Variants in MAP4K3 observed in about 807,000 individuals in gnomAD.
MAP4K3 encodes the protein mitogen-activated protein kinase kinase kinase kinase 3.
Under a neutral mutation model 143.5 loss-of-function variants are expected in MAP4K3, and 94 were observed. That is an observed-to-expected ratio of 0.65 (90% CI 0.55 to 0.78). MAP4K3 has a LOEUF of 0.78. MAP4K3 is among the 30% of genes least tolerant of loss of function. The pLI is 0.00. For synonymous variants in MAP4K3, 416 were observed against 347.2 expected, an observed-to-expected ratio of 1.20 and a Z score of -2.20; for missense variants, 1,077 against 1,068.1, an observed-to-expected ratio of 1.01 and a Z score of -0.12.
intron 1 of MAP4K3, among the ~76,000 whole-genome samples, chr2:39,381,333 T>C: frequency 1.3e-5 from 2 of 152,352 alleles, no homozygotes; most frequent in Middle Eastern, 6.8e-3. Context: ...CCATTTTAAA[T>C]TCTTTTTAAA....
intron 2 of MAP4K3, among the ~76,000 whole-genome samples, chr2:39,362,029 G>T (rs1665785416): frequency 6.6e-6 from 1 of 152,026 alleles, no homozygotes; most frequent in African/African-American, 2.4e-5. Flanking sequence ...AGTACCTTAT[G>T]AATTAATAAC....
chr2:39,333,220 G>T (rs927026372), intron 7 of MAP4K3, among the ~76,000 whole-genome samples: 5 of 151,936 alleles, frequency 3.3e-5, no homozygotes, highest in African/African-American at 1.2e-4. Context: ...TTATTTTTTG[G>T]TTACAAGGTA....
chr2:39,289,781 A>G (rs1335867673), intron 19 of MAP4K3, among the ~76,000 whole-genome samples: 2 of 152,184 alleles, frequency 1.3e-5, no homozygotes, highest in Non-Finnish European at 2.9e-5. Flanking sequence ...AGGACTTGTT[A>G]CTTAGAATGA....
At chr2:39,292,399 CGA>C (rs1009904955) in intron 18 of MAP4K3, among the ~76,000 whole-genome samples, 2 of 151,984 alleles carry the variant, frequency 1.3e-5, no homozygotes, top group South Asian at 2.1e-4. Context: ...GGTGATCTTA[CGA>C]GAGAGAGAGA....
In MAP4K3 at chr2:39,325,733, T is replaced by C. The variant is rs757762547; in HGVS notation, c.804A>G (p.Leu268=). Residue 268 remains leucine, a synonymous_variant, in exon 11 of 34, where the codon TTA becomes TTG. Transcript: ENST00000263881. The part of the protein sequence containing the change: ...PKKRPTAEKL[L]QHPFVTQHLT... ...TATTTCAGGGCAAAAATAATACCTGTAATAATTTTTCAGCAGTAGGTCTTT... is the reference window on the plus strand; with the variant it reads ...TATTTCAGGGCAAAAATAATACCTGCAATAATTTTTCAGCAGTAGGTCTTT... 2.5e-6 allele frequency: 4 copies of C among 1,602,686 alleles called. No homozygotes were observed. In the South Asian group the frequency reaches 4.5e-5, roughly 18 times the overall value.
At chr2:39,323,792 TAAC>T (rs1318637355) in intron 12 of MAP4K3, 5 of 152,180 alleles carry the variant, frequency 3.3e-5, no homozygotes, top group African/African-American at 1.2e-4. Context: ...AAAAGTTCAT[TAAC>T]AAAGAAATGA....
At chr2:39,274,500 A>G (rs1480961031) in intron 24 of MAP4K3, among the ~76,000 whole-genome samples, 1 of 152,172 alleles carries the variant, frequency 6.6e-6, no homozygotes, top group Non-Finnish European at 1.5e-5. Context: ...GATTACAGGC[A>G]TGAGCCATCG....
chr2:39,272,498 G>A lies in MAP4K3; in HGVS notation c.1839C>T (p.Cys613=), dbSNP rs1302088056. 4 of 1,613,092 alleles carry A rather than the reference G, an allele frequency of 2.5e-6. No individual in the cohort carries two copies. The highest frequency in any genetic ancestry group is 3.4e-6 in the Non-Finnish European group (4 of 1,179,366). ...TATACTTACCAGATATTGATAGCAA[G>A]CAATTGTTCATTACATACAACCATG... ...RCTWLYVMNN[C]LLSISGKASQ... Residue 613 remains cysteine (C), a synonymous_variant, in exon 25 of 34, where the codon TGC becomes TGT. Coordinates refer to ENST00000263881, the MANE Select transcript of MAP4K3 (RefSeq NM_003618.4).
chr2:39,276,029 T>A (rs867250706), intron 24 of MAP4K3, among the ~76,000 whole-genome samples: 1 of 152,056 alleles, frequency 6.6e-6, no homozygotes, highest in Non-Finnish European at 1.5e-5. Flanking sequence ...CACATGACCA[T>A]GCTTGGCTAA....
intron 1 of MAP4K3, among the ~76,000 whole-genome samples, chr2:39,415,980 A>AAAAAAAAAAAAT (rs1553318573): frequency 6.8e-5 from 1 of 14,756 alleles, no homozygotes; most frequent in Non-Finnish European, 1.5e-4. Context: ...AAAAAAAAAA[A>AAAAAAAAAAAAT]ATATATATAT....
intron 15 of MAP4K3, among the ~76,000 whole-genome samples, chr2:39,303,396 C>A (rs1050415134): frequency 6.6e-5 from 10 of 151,974 alleles, no homozygotes; most frequent in African/African-American, 2.2e-4. Context: ...GATTAAGGAG[C>A]CTGAAAATGG....
At chr2:39,356,189 G>C in intron 3 of MAP4K3, 60 bp downstream of exon 3, 1 of 954,702 alleles carries the variant, frequency 1.0e-6, no homozygotes. Flanking sequence ...ACTTTATTTT[G>C]TTTAATGCAT....
At chr2:39,378,161 G>C (rs760646942) in intron 1 of MAP4K3, 38 bp from the exon 2 acceptor site, 2 of 1,212,392 alleles carry the variant, frequency 1.6e-6, no homozygotes, top group Non-Finnish European at 2.3e-6. Context: ...TGTGAAGAAA[G>C]CTTTCATAAA....
chr2:39,281,932 A>G (rs1383782249), intron 22 of MAP4K3, among the ~76,000 whole-genome samples: 1 of 152,018 alleles, frequency 6.6e-6, no homozygotes, highest in East Asian at 1.9e-4. Flanking sequence ...GGTGGCTCAC[A>G]CTTGTGATCC....
chr2:39,271,370 G>C (rs1398979420), intron 26 of MAP4K3, among the ~76,000 whole-genome samples: 1 of 152,022 alleles, frequency 6.6e-6, no homozygotes, highest in Non-Finnish European at 1.5e-5. Context: ...AGATTCTCAA[G>C]GTACTCGAAA....
At chr2:39,393,235 A>G (rs892757178) in intron 1 of MAP4K3, among the ~76,000 whole-genome samples, 2 of 152,244 alleles carry the variant, frequency 1.3e-5, no homozygotes, top group Non-Finnish European at 2.9e-5. Context: ...ATGAAACACA[A>G]AAATGTACAA....
At chr2:39,380,734 C>G (rs531577961) in intron 1 of MAP4K3, among the ~76,000 whole-genome samples, 3 of 152,244 alleles carry the variant, frequency 2.0e-5, no homozygotes, top group African/African-American at 7.2e-5. Flanking sequence ...TACAACACAT[C>G]ATTGCTTTAA....
chr2:39,269,374 A>ATGAGTCCTTACTC (rs1389937452), intron 26 of MAP4K3, among the ~76,000 whole-genome samples: 6 of 151,496 alleles, frequency 4.0e-5, no homozygotes, highest in African/African-American at 1.5e-4. Context: ...AGTCCTTACT[A>ATGAGTCCTTACTC]TGTGCCATGC....
chr2:39,432,278 C>T (rs1558355274), intron 1 of MAP4K3, among the ~76,000 whole-genome samples: 1 of 152,174 alleles, frequency 6.6e-6, no homozygotes, highest in Admixed American at 6.5e-5. Context: ...AGATCAAAGG[C>T]TGGAGGTAAG....
Sources: gnomAD v4.1 joint callset for allele counts (sites outside exome capture counted in the v4.1 genomes callset) on GRCh38, gnomAD v4.1.1 for gene constraint, MANE v1.5 for transcripts, NCBI Gene and HGNC (gene_info 2026-07-23, HGNC 2026-07-21) for gene names.